The following PRKG1 variants were observed in gnomAD, a reference collection of about 807,000 sequenced individuals.
PRKG1 encodes the protein protein kinase cGMP-dependent 1, also known as cGMP-dependent protein kinase 1.
Under a neutral mutation model 88.1 loss-of-function variants are expected in PRKG1, and 35 were observed. That is an observed-to-expected ratio of 0.40 (90% CI 0.30 to 0.53). The LOEUF is 0.53. Among genes scored for constraint, PRKG1 ranks in the 20% least tolerant of loss-of-function variants. The probability of loss-of-function intolerance (pLI) is 0.59; values close to 1 mark genes in which losing one functional copy is unlikely to be tolerated. For missense variants in PRKG1, 540 were observed against 839.8 expected (o/e 0.64, Z 4.41); for synonymous variants, 303 against 292.5 (o/e 1.04, Z -0.37).
At chr10:51,287,449 T>A (rs16916252) in intron 2 of PRKG1, among the ~76,000 whole-genome samples, 3,022 of 152,278 alleles carry the variant, frequency 0.02, 94 homozygotes, top group African/African-American at 0.068. Flanking sequence ...CTGCTTCAAC[T>A]CACATTAGGA....
intron 2 of PRKG1, among the ~76,000 whole-genome samples, chr10:51,276,638 C>T (rs955828606): frequency 2.0e-5 from 3 of 152,122 alleles, no homozygotes; most frequent in Non-Finnish European, 2.9e-5. Flanking sequence ...TGTTTCCTGA[C>T]TTTTTAATGA....
At chr10:51,723,074 C>T (rs1054439034) in intron 3 of PRKG1, among the ~76,000 whole-genome samples, 3 of 152,086 alleles carry the variant, frequency 2.0e-5, no homozygotes, top group African/African-American at 7.2e-5. Context: ...ATTATGTTAA[C>T]CTGTTTAAAC....
At chr10:52,019,853 T>A (rs1845137311) in intron 5 of PRKG1, among the ~76,000 whole-genome samples, 1 of 152,164 alleles carries the variant, frequency 6.6e-6, no homozygotes, top group Non-Finnish European at 1.5e-5. Context: ...CCAAGTAAGA[T>A]AAAATCCTCT....
At chr10:51,088,428 T>G (rs1202363053) in intron 1 of PRKG1, among the ~76,000 whole-genome samples, 4 of 144,642 alleles carry the variant, frequency 2.8e-5, no homozygotes, top group African/African-American at 5.1e-5. Flanking sequence ...ATTTACCAAA[T>G]ATTTGTTAAG....
At chr10:51,931,280 A>G (rs1486225536) in intron 5 of PRKG1, among the ~76,000 whole-genome samples, 2 of 152,192 alleles carry the variant, frequency 1.3e-5, no homozygotes, top group African/African-American at 4.8e-5. Flanking sequence ...TCAAAATACA[A>G]TAACCTCTAA....
chr10:52,104,217 C>T (rs75451580), intron 7 of PRKG1, among the ~76,000 whole-genome samples: 155 of 151,586 alleles, frequency 1.0e-3, no homozygotes, highest in African/African-American at 3.4e-3. Context: ...TACTGTTAAA[C>T]GTCATTTTAG....
chr10:51,083,058 G>C (rs546611556), intron 1 of PRKG1, among the ~76,000 whole-genome samples: 13 of 152,154 alleles, frequency 8.5e-5, no homozygotes, highest in African/African-American at 3.1e-4. Flanking sequence ...CTATTCTTTG[G>C]GGAAGCACCT....
At chr10:52,120,019 C>T (rs1462291467) in intron 7 of PRKG1, among the ~76,000 whole-genome samples, 1 of 150,552 alleles carries the variant, frequency 6.6e-6, no homozygotes, top group Non-Finnish European at 1.5e-5. Context: ...GAGAGAGAGA[C>T]AGAGGCAGAG....
intron 3 of PRKG1, among the ~76,000 whole-genome samples, chr10:51,801,403 A>T (rs181310958): frequency 1.3e-5 from 2 of 152,278 alleles, no homozygotes; most frequent in Admixed American, 6.5e-5. Flanking sequence ...TAGCCAGTAG[A>T]CTGTACAAAA....
At chr10:51,021,149 TATGGTA>T (rs1207116278) in intron 1 of PRKG1, among the ~76,000 whole-genome samples, 1 of 152,176 alleles carries the variant, frequency 6.6e-6, no homozygotes, top group African/African-American at 2.4e-5. Context: ...AGTTATCAAA[TATGGTA>T]CACTCTTTAA....
intron 7 of PRKG1, among the ~76,000 whole-genome samples, chr10:52,063,822 C>A (rs1846293830): frequency 6.6e-6 from 1 of 152,002 alleles, no homozygotes; most frequent in Non-Finnish European, 1.5e-5. Context: ...TGCAGCTGGT[C>A]ATCCCATCAT....
At chr10:51,914,292 C>CTT (rs11394718) in intron 5 of PRKG1, among the ~76,000 whole-genome samples, 2 of 152,102 alleles carry the variant, frequency 1.3e-5, no homozygotes, top group Non-Finnish European at 2.9e-5. Flanking sequence ...CAAATAAAAA[C>CTT]TTTTTTTCAT....
At chr10:51,489,071 ATTGAAAAATTAT>A (rs749392105) in intron 3 of PRKG1, among the ~76,000 whole-genome samples, 106 of 152,208 alleles carry the variant, frequency 7.0e-4, no homozygotes, top group Non-Finnish European at 6.0e-4. Context: ...AGCAACATAC[ATTGAAAAATTAT>A]TTGAATGTCT....
intron 2 of PRKG1, among the ~76,000 whole-genome samples, chr10:51,339,876 A>C (rs1841965339): frequency 6.6e-6 from 1 of 152,072 alleles, no homozygotes; most frequent in South Asian, 2.1e-4. Flanking sequence ...TTTGCTGCTT[A>C]ATCTCTGGTC....
intron 3 of PRKG1, among the ~76,000 whole-genome samples, chr10:51,621,009 GTA>G (rs55657310): frequency 1.1e-3 from 140 of 121,870 alleles, no homozygotes; most frequent in African/African-American, 2.4e-3. Context: ...GTATATGTGT[GTA>G]TATATATATA....
chr10:51,725,703 G>A (rs370700197), intron 3 of PRKG1, among the ~76,000 whole-genome samples: 9 of 151,002 alleles, frequency 6.0e-5, no homozygotes, highest in South Asian at 2.1e-4. Flanking sequence ...GCATGCTCTC[G>A]GCTCACTACA....
At chr10:51,630,474 C>A (rs1839495385) in intron 3 of PRKG1, among the ~76,000 whole-genome samples, 1 of 152,192 alleles carries the variant, frequency 6.6e-6, no homozygotes, top group Non-Finnish European at 1.5e-5. Flanking sequence ...AATATACTGA[C>A]ACAAAATGAC....
chr10:52,277,258 C>A (rs751003870), intron 12 of PRKG1, among the ~76,000 whole-genome samples: 74 of 152,186 alleles, frequency 4.9e-4, no homozygotes, highest in Admixed American at 7.9e-4. Context: ...CAGAGATTAG[C>A]AAAGGATTCT....
intron 3 of PRKG1, among the ~76,000 whole-genome samples, chr10:51,508,241 G>C (rs933829843): frequency 2.0e-5 from 3 of 152,142 alleles, no homozygotes; most frequent in Non-Finnish European, 4.4e-5. Context: ...CAGTATAAAT[G>C]TATCACAAGA....
Sources: allele counts gnomAD v4.1 joint callset (sites outside exome capture counted in the v4.1 genomes callset), GRCh38; gene constraint gnomAD v4.1.1; transcripts MANE v1.5; gene names NCBI Gene and HGNC (gene_info 2026-07-23, HGNC 2026-07-21).